NME7: variants seen among roughly 807,000 people sequenced by gnomAD.
The protein encoded by NME7 is NME/NM23 family member 7.
NME7 carries 41 observed loss-of-function variants against 49.1 expected under a neutral mutation model. The observed-to-expected ratio is 0.83, with a 90% confidence interval of 0.65 to 1.08. The LOEUF is 1.08. NME7 is among the 50% of genes least tolerant of loss of function. The probability of loss-of-function intolerance (pLI) is 0.00; values close to 1 mark genes in which losing one functional copy is unlikely to be tolerated. For missense variants in NME7, 423 were observed against 463.4 expected (o/e 0.91, Z 0.80); for synonymous variants, 139 against 150.6 (o/e 0.92, Z 0.56).
At chr1:169,168,988 A>G (rs1659497977) in intron 11 of NME7, 1 of 436,812 alleles carries the variant, frequency 2.3e-6, no homozygotes, top group East Asian at 7.0e-5. Flanking sequence ...ATGACTAGCA[A>G]TTTATGGTGA....
chr1:169,205,921 T>G (rs1251881259), intron 10 of NME7, among the ~76,000 whole-genome samples: 1 of 152,150 alleles, frequency 6.6e-6, no homozygotes, highest in Non-Finnish European at 1.5e-5. Context: ...TCCTGACTTC[T>G]TCCAATATAC....
At chr1:169,240,673 C>A (rs547596934) in intron 7 of NME7, among the ~76,000 whole-genome samples, 1 of 151,830 alleles carries the variant, frequency 6.6e-6, no homozygotes, top group East Asian at 1.9e-4. Context: ...TTGGCAAATA[C>A]CAGCTCACTG....
At position 169,189,824 on chromosome 1, in the gene NME7, C is replaced by T. The variant is rs1200080; in HGVS notation, c.991-20270G>A. Among the ~76,000 whole-genome samples, 1,354 of 152,232 alleles carry T rather than the reference C, an allele frequency of 8.9e-3. 14 individuals are homozygous for T. The highest frequency in any genetic ancestry group is 0.031 in the African/African-American group (1,284 of 41,546). ...CAAATGTGACATGACTATAACAGAA[C>T]TATGGCAGTGTAAGCTGGTAAGTCA... On this transcript the variant is annotated intron_variant, in intron 10 of 11. Coordinates refer to ENST00000367811, the MANE Select transcript of NME7 (RefSeq NM_013330.5).
intron 11 of NME7, among the ~76,000 whole-genome samples, chr1:169,137,236 A>G (rs1344441463): frequency 6.6e-6 from 1 of 152,238 alleles, no homozygotes; most frequent in Non-Finnish European, 1.5e-5. Context: ...CATGCCTAGA[A>G]GAGCCTTGTG....
chr1:169,309,739 T>C (rs1185524227), intron 4 of NME7, among the ~76,000 whole-genome samples: 2 of 152,062 alleles, frequency 1.3e-5, no homozygotes, highest in South Asian at 2.1e-4. Flanking sequence ...TTCGGTTTTG[T>C]ATATGGGCTT....
chr1:169,274,685 G>C (rs1649628365), intron 7 of NME7, among the ~76,000 whole-genome samples: 1 of 133,444 alleles, frequency 7.5e-6, no homozygotes, highest in Admixed American at 7.3e-5. Flanking sequence ...TTCTACATAT[G>C]GCTAGCCAGT....
At chr1:169,318,955 A>C (rs1244374979) in intron 3 of NME7, among the ~76,000 whole-genome samples, 3 of 152,112 alleles carry the variant, frequency 2.0e-5, no homozygotes, top group African/African-American at 7.2e-5. Flanking sequence ...AAAGTATTCT[A>C]AACTTAATTT....
In NME7 at chr1:169,287,292, A is replaced by T; in HGVS notation, c.754+11T>A. 1 of 1,583,142 alleles carries T rather than the reference A, an allele frequency of 6.3e-7. No homozygotes were observed. The highest frequency in any genetic ancestry group is 8.7e-7 in the Non-Finnish European group (1 of 1,152,730). ...TAACAAAATGTACTGAATATAGTGT[A>T]TTCAACATACCTTCACTGACAGCAT... On this transcript the variant is annotated intron_variant, in intron 7 of 11. Transcript: ENST00000367811.
chr1:169,279,543 G>A (rs1274398450), intron 7 of NME7, among the ~76,000 whole-genome samples: 1 of 152,222 alleles, frequency 6.6e-6, no homozygotes, highest in Admixed American at 6.5e-5. Flanking sequence ...CATCAGAAAA[G>A]CACAGTATTT....
intron 1 of NME7, among the ~76,000 whole-genome samples, chr1:169,335,869 G>A (rs1237840346): frequency 6.6e-6 from 1 of 151,358 alleles, no homozygotes; most frequent in Non-Finnish European, 1.5e-5. Flanking sequence ...CTTCCAGTAA[G>A]GGTGAGTGAA....
intron 9 of NME7, among the ~76,000 whole-genome samples, chr1:169,234,136 T>A (rs1647757998): frequency 6.6e-6 from 1 of 152,160 alleles, no homozygotes; most frequent in African/African-American, 2.4e-5. Context: ...GACTCAGAAT[T>A]TTTAAGTCAC....
intron 1 of NME7, among the ~76,000 whole-genome samples, chr1:169,342,915 A>ATATATATATACAAGTACATATATATAGTG (rs1196718143): frequency 1.1e-5 from 1 of 93,918 alleles, no homozygotes; most frequent in Admixed American, 1.4e-4. Context: ...TATATAGTGT[A>ATATATATATACAAGTACATATATATAGTG]TATATATATA....
chr1:169,145,206 T>G (rs1033207997), intron 11 of NME7, among the ~76,000 whole-genome samples: 3 of 152,250 alleles, frequency 2.0e-5, no homozygotes, highest in African/African-American at 2.4e-5. Flanking sequence ...TTATTTTTGC[T>G]GTTTTCAACT....
At chr1:169,169,192 C>A (rs1659504500) in intron 11 of NME7, 9 of 390,150 alleles carry the variant, frequency 2.3e-5, no homozygotes, top group South Asian at 1.7e-4. Context: ...ACATCACATA[C>A]CAGGACTTGT....
intron 11 of NME7, among the ~76,000 whole-genome samples, chr1:169,155,751 A>T (rs1659048364): frequency 7.1e-6 from 1 of 141,376 alleles, no homozygotes. Context: ...AGTGGGTTTT[A>T]TTACTGTTTA....
intron 10 of NME7, among the ~76,000 whole-genome samples, chr1:169,177,357 A>G (rs1268903196): frequency 6.6e-6 from 1 of 152,134 alleles, no homozygotes; most frequent in Admixed American, 6.5e-5. Context: ...TTGCTGGTCT[A>G]TCTGGTTTCC....
At chr1:169,252,438 T>C (rs914916713) in intron 7 of NME7, among the ~76,000 whole-genome samples, 1 of 151,996 alleles carries the variant, frequency 6.6e-6, no homozygotes, top group Non-Finnish European at 1.5e-5. Flanking sequence ...TTTGTTTGAG[T>C]TCATTGTAGA....
At chr1:169,294,950 T>C (rs1212420383) in intron 6 of NME7, among the ~76,000 whole-genome samples, 2 of 152,134 alleles carry the variant, frequency 1.3e-5, no homozygotes, top group Non-Finnish European at 2.9e-5. Flanking sequence ...AATAGATTAA[T>C]GCCCTCCCTC....
At chr1:169,246,874 TG>T in intron 7 of NME7, 1 of 365,662 alleles carries the variant, frequency 2.7e-6, no homozygotes, top group South Asian at 2.1e-5. Flanking sequence ...CCACTGCATC[TG>T]GTCCAGTATA....
Sources: gnomAD v4.1 joint callset for allele counts (sites outside exome capture counted in the v4.1 genomes callset) on GRCh38, gnomAD v4.1.1 for gene constraint, MANE v1.5 for transcripts, NCBI Gene and HGNC (gene_info 2026-07-23, HGNC 2026-07-21) for gene names.